Variants in CORIN observed in about 807,000 individuals in gnomAD.
The protein encoded by CORIN is atrial natriuretic peptide-converting enzyme.
CORIN carries 117 observed loss-of-function variants against 125.3 expected under a neutral mutation model. The ratio of observed to expected loss-of-function variants is 0.93; its 90% CI spans 0.80 to 1.09. CORIN has a LOEUF of 1.09. CORIN is among the 50% of genes least tolerant of loss of function. The pLI is 0.00. For missense variants in CORIN, 1,253 were observed against 1,306.7 expected (o/e 0.96, Z 0.63); for synonymous variants, 450 against 466.4 (o/e 0.96, Z 0.45).
intron 4 of CORIN, among the ~76,000 whole-genome samples, chr4:47,752,932 C>T (rs1281293921): frequency 1.3e-5 from 2 of 151,692 alleles, no homozygotes; most frequent in South Asian, 2.1e-4. Flanking sequence ...TAAAAGGATG[C>T]CATGAATACG....
chr4:47,631,653 C>A (rs1341511353), intron 16 of CORIN, among the ~76,000 whole-genome samples: 1 of 152,038 alleles, frequency 6.6e-6, no homozygotes, highest in African/African-American at 2.4e-5. Flanking sequence ...TTGAATCATG[C>A]CAAAACCATT....
intron 5 of CORIN, among the ~76,000 whole-genome samples, chr4:47,738,808 A>G (rs373323813): frequency 1.3e-5 from 2 of 152,258 alleles, no homozygotes; most frequent in East Asian, 3.9e-4. Context: ...ACACATTTCT[A>G]GAGAACTAAA....
chr4:47,736,129 G>C (rs185363286), intron 5 of CORIN, among the ~76,000 whole-genome samples: 6 of 152,144 alleles, frequency 3.9e-5, no homozygotes, highest in Admixed American at 3.9e-4. Context: ...AAGACTGTAA[G>C]CATTCTTATA....
At chr4:47,781,600 T>C (rs1730550846) in intron 3 of CORIN, among the ~76,000 whole-genome samples, 1 of 152,182 alleles carries the variant, frequency 6.6e-6, no homozygotes, top group East Asian at 1.9e-4. Flanking sequence ...TTACAATGGG[T>C]TTATAAGGAT....
intron 19 of CORIN, among the ~76,000 whole-genome samples, chr4:47,609,237 A>ATTAT (rs1157684796): frequency 6.6e-6 from 1 of 151,688 alleles, no homozygotes; most frequent in Non-Finnish European, 1.5e-5. Flanking sequence ...TTTCATTTTT[A>ATTAT]TTATTTATTT....
rs938454588 is a variant in CORIN, at chr4:47,594,395, T to C, written c.*1326A>G. 1.0e-4 allele frequency: 16 copies of C among 152,574 alleles called. No homozygotes were observed. Among genetic ancestry groups the C allele is most frequent in the African/African-American group, 3.9e-4 (16 of 41,446 alleles). 9.5% of individuals were successfully genotyped at this position (152,574 alleles called of 1,614,324 possible). A position where few individuals can be genotyped will look rare whatever the true frequency, so the allele number is the denominator to read the frequency against. On this transcript the variant is annotated 3_prime_UTR_variant, in exon 22 of 22. Coordinates refer to ENST00000273857, the MANE Select transcript of CORIN (RefSeq NM_006587.4). Reference sequence around the variant, plus strand: ...AATCCTAGTTGTTTAAAAGGCAAAATGGATGCCTGACTAATTAAATTAAGT... The same window carrying C: ...AATCCTAGTTGTTTAAAAGGCAAAACGGATGCCTGACTAATTAAATTAAGT...
intron 16 of CORIN, among the ~76,000 whole-genome samples, chr4:47,632,756 T>TAGAC (rs767024779): frequency 9.9e-6 from 1 of 101,098 alleles, no homozygotes; most frequent in East Asian, 5.2e-4. Context: ...GATAGATAGA[T>TAGAC]AGATAGATAG....
At chr4:47,753,881 C>T (rs958638992) in intron 4 of CORIN, among the ~76,000 whole-genome samples, 3 of 152,154 alleles carry the variant, frequency 2.0e-5, no homozygotes, top group African/African-American at 7.2e-5. Flanking sequence ...AAAGTAAAAA[C>T]AGGCATAAGA....
chr4:47,783,287 A>G (rs1730632701), intron 3 of CORIN, among the ~76,000 whole-genome samples: 1 of 152,160 alleles, frequency 6.6e-6, no homozygotes, highest in Non-Finnish European at 1.5e-5. Context: ...AACATTAACT[A>G]TGGGCCTTTT....
chr4:47,676,113 G>A (rs1182189288), intron 9 of CORIN, among the ~76,000 whole-genome samples: 1 of 152,122 alleles, frequency 6.6e-6, no homozygotes, highest in Non-Finnish European at 1.5e-5. Context: ...TCAAAGGCCT[G>A]ACTCTTCAGC....
At chr4:47,738,972 A>C (rs1207264759) in intron 5 of CORIN, among the ~76,000 whole-genome samples, 1 of 151,958 alleles carries the variant, frequency 6.6e-6, no homozygotes, top group Non-Finnish European at 1.5e-5. Context: ...CAGGCAGAAG[A>C]GAAAATCCGC....
intron 11 of CORIN, among the ~76,000 whole-genome samples, chr4:47,663,335 T>A (rs1214211778): frequency 6.6e-6 from 1 of 152,128 alleles, no homozygotes; most frequent in African/African-American, 2.4e-5. Context: ...AGCTAAAAAA[T>A]TCAATGTTAA....
At chr4:47,699,495 C>T (rs1726186540) in intron 5 of CORIN, among the ~76,000 whole-genome samples, 1 of 152,244 alleles carries the variant, frequency 6.6e-6, no homozygotes, top group African/African-American at 2.4e-5. Flanking sequence ...TTGTCTCTCT[C>T]TCCCTTCTAG....
chr4:47,772,073 T>TTAGA (rs1201118141), intron 3 of CORIN, among the ~76,000 whole-genome samples: 2 of 110,622 alleles, frequency 1.8e-5, no homozygotes, highest in African/African-American at 6.9e-5. Context: ...AGCTTTCACA[T>TTAGA]TACATAGATA....
At chr4:47,784,652 T>G (rs1302644015) in intron 3 of CORIN, among the ~76,000 whole-genome samples, 2 of 152,218 alleles carry the variant, frequency 1.3e-5, no homozygotes, top group Non-Finnish European at 2.9e-5. Context: ...TGCAACCACA[T>G]TAACTTGACT....
intron 2 of CORIN, among the ~76,000 whole-genome samples, chr4:47,787,452 A>C (rs1192128074): frequency 1.3e-5 from 2 of 152,054 alleles, no homozygotes; most frequent in Non-Finnish European, 2.9e-5. Flanking sequence ...TAAACTATGC[A>C]TCACACACAA....
chr4:47,607,223 G>C (rs1443251260), intron 19 of CORIN, among the ~76,000 whole-genome samples: 1 of 151,922 alleles, frequency 6.6e-6, no homozygotes, highest in Non-Finnish European at 1.5e-5. Context: ...CCTGGCTAAC[G>C]CGGTGAAACC....
At chr4:47,759,365 T>C (rs927185931) in intron 4 of CORIN, among the ~76,000 whole-genome samples, 1 of 151,970 alleles carries the variant, frequency 6.6e-6, no homozygotes, top group Non-Finnish European at 1.5e-5. Flanking sequence ...AGTAGACAAA[T>C]GAGATTTCAT....
At chr4:47,723,951 G>A (rs563174317) in intron 5 of CORIN, among the ~76,000 whole-genome samples, 6 of 145,294 alleles carry the variant, frequency 4.1e-5, no homozygotes, top group South Asian at 2.2e-4. Flanking sequence ...AGCTGAGATC[G>A]CGCCACAGCA....
Sources: gnomAD v4.1 joint callset for allele counts (sites outside exome capture counted in the v4.1 genomes callset) on GRCh38, gnomAD v4.1.1 for gene constraint, MANE v1.5 for transcripts, NCBI Gene and HGNC (gene_info 2026-07-23, HGNC 2026-07-21) for gene names.